Variants in LHFPL2 observed in about 807,000 individuals in gnomAD.
LHFPL2 encodes LHFPL tetraspan subfamily member 2.
A neutral mutation model predicts 17.5 loss-of-function variants in LHFPL2; 7 were observed. The observed-to-expected ratio is 0.40, with a 90% CI of 0.23 to 0.75. The LOEUF is 0.75. Ranked by LOEUF, LHFPL2 falls within the 30% of genes least tolerant of loss-of-function variation. The pLI is 0.37. For synonymous variants in LHFPL2, 134 were observed against 116.2 expected, an observed-to-expected ratio of 1.15 and a Z score of -0.99; for missense variants, 241 against 294.8, an observed-to-expected ratio of 0.82 and a Z score of 1.34.
intron 4 of LHFPL2, among the ~76,000 whole-genome samples, chr5:78,504,838 G>T (rs1754884571): frequency 1.3e-5 from 2 of 152,230 alleles, no homozygotes; most frequent in South Asian, 2.1e-4. Flanking sequence ...CAGCCCCAGG[G>T]CAATCTATCT....
chr5:78,619,499 ATTTAT>A (rs1401759069), intron 2 of LHFPL2, among the ~76,000 whole-genome samples: 19 of 148,708 alleles, frequency 1.3e-4, no homozygotes, highest in African/African-American at 3.2e-4. Flanking sequence ...ATATATATAT[ATTTAT>A]TTTATTATTA....
chr5:78,624,310 C>T (rs1027841670), intron 2 of LHFPL2, among the ~76,000 whole-genome samples: 1 of 152,154 alleles, frequency 6.6e-6, no homozygotes, highest in Non-Finnish European at 1.5e-5. Flanking sequence ...AAAGCAGGCA[C>T]CGGCAGAAGT....
At chr5:78,562,579 G>A (rs1393754206) in intron 3 of LHFPL2, among the ~76,000 whole-genome samples, 1 of 149,806 alleles carries the variant, frequency 6.7e-6, no homozygotes, top group Non-Finnish European at 1.5e-5. Flanking sequence ...AGGCTGCAGT[G>A]AGCCAAGATC....
At chr5:78,533,236 A>G (rs1212507770) in intron 3 of LHFPL2, among the ~76,000 whole-genome samples, 1 of 152,216 alleles carries the variant, frequency 6.6e-6, no homozygotes, top group Non-Finnish European at 1.5e-5. Context: ...ATAAAAGAGA[A>G]ACATCACTAT....
intron 3 of LHFPL2, among the ~76,000 whole-genome samples, chr5:78,560,230 C>A (rs891526284): frequency 6.6e-6 from 1 of 152,262 alleles, no homozygotes; most frequent in Non-Finnish European, 1.5e-5. Context: ...TCAGAATGCA[C>A]ATAAGTGCCA....
intron 2 of LHFPL2, among the ~76,000 whole-genome samples, chr5:78,631,057 A>T (rs1745226446): frequency 1.3e-5 from 2 of 152,222 alleles, no homozygotes; most frequent in Non-Finnish European, 2.9e-5. Flanking sequence ...ACTTACTAAG[A>T]AGAGTAAGGA....
At chr5:78,500,677 C>T (rs1754746734) in intron 4 of LHFPL2, among the ~76,000 whole-genome samples, 1 of 152,110 alleles carries the variant, frequency 6.6e-6, no homozygotes, top group South Asian at 2.1e-4. Context: ...AGTAATATAA[C>T]AAAGTAGGAG....
intron 2 of LHFPL2, among the ~76,000 whole-genome samples, chr5:78,627,607 A>G (rs1171475784): frequency 2.0e-5 from 3 of 152,204 alleles, no homozygotes; most frequent in African/African-American, 7.2e-5. Context: ...CCCTACAAGG[A>G]GACCTCGGGC....
At chr5:78,584,162 G>A (rs1471067949) in intron 2 of LHFPL2, among the ~76,000 whole-genome samples, 1 of 149,628 alleles carries the variant, frequency 6.7e-6, no homozygotes, top group Non-Finnish European at 1.5e-5. Context: ...CTCTGTATTG[G>A]TTATTCTAGT....
chr5:78,626,774 G>A lies in LHFPL2; in HGVS notation c.-245+5490C>T, dbSNP rs182613240. 2.0e-5 allele frequency: 3 copies of A among 151,874 alleles called. 1 individual carries two copies. Among genetic ancestry groups the A allele is most frequent in the Admixed American group, 2.0e-4 (3 of 15,258 alleles). 9.4% of individuals were successfully genotyped at this position (151,874 alleles called of 1,614,324 possible). On this transcript the variant is annotated intron_variant, in intron 2 of 4. Coordinates refer to ENST00000380345, the MANE Select transcript of LHFPL2 (RefSeq NM_005779.3). ...TCAAGAGAAGTTTTTTTTTTCTTCA[G>A]AGCTAAGTTGAAATACAGTAAGCAG...
Position 78,487,371 on chromosome 5 carries a change from C to G in LHFPL2, c.*1526G>C, listed in dbSNP as rs1376380404. 2 of 152,236 alleles carry G rather than the reference C, an allele frequency of 1.3e-5. No individual in the cohort carries two copies. Among genetic ancestry groups the G allele is most frequent in the Non-Finnish European group, 2.9e-5 (2 of 68,048 alleles). The allele number at this position is 152,236 out of a possible 1,614,324, so 9.4% of individuals were successfully genotyped here. ...AAACTCTGAAGTCAGGGTTGTATAG[C>G]TGGTAGCACAATACCTTGTCCACAG... On this transcript the variant is annotated 3_prime_UTR_variant, in exon 5 of 5. Coordinates refer to ENST00000380345, the MANE Select transcript of LHFPL2 (RefSeq NM_005779.3).
chr5:78,558,804 A>G (rs1756650564), intron 3 of LHFPL2, among the ~76,000 whole-genome samples: 1 of 152,168 alleles, frequency 6.6e-6, no homozygotes, highest in East Asian at 1.9e-4. Context: ...CCACCGAGGG[A>G]AAACATGCAT....
intron 2 of LHFPL2, among the ~76,000 whole-genome samples, chr5:78,593,215 A>T (rs1743706462): frequency 6.6e-6 from 1 of 152,182 alleles, no homozygotes; most frequent in African/African-American, 2.4e-5. Flanking sequence ...GAGCAGACAC[A>T]GTATCTGCAT....
intron 2 of LHFPL2, among the ~76,000 whole-genome samples, chr5:78,584,989 C>A (rs1351146743): frequency 9.8e-6 from 1 of 102,476 alleles, no homozygotes; most frequent in Non-Finnish European, 2.1e-5. Context: ...TCTCCTGGTG[C>A]GCTGTGTTTT....
intron 2 of LHFPL2, among the ~76,000 whole-genome samples, chr5:78,570,818 T>C (rs969294039): frequency 6.6e-6 from 1 of 151,890 alleles, no homozygotes; most frequent in Non-Finnish European, 1.5e-5. Flanking sequence ...GCAGCACACT[T>C]GGGGAATAGG....
intron 3 of LHFPL2, among the ~76,000 whole-genome samples, chr5:78,514,626 G>A (rs1276470978): frequency 1.3e-5 from 2 of 152,148 alleles, no homozygotes; most frequent in Non-Finnish European, 2.9e-5. Context: ...CCCAGTGCCC[G>A]CCGGCTGGAT....
At chr5:78,576,538 G>A (rs1757142163) in intron 2 of LHFPL2, among the ~76,000 whole-genome samples, 2 of 152,152 alleles carry the variant, frequency 1.3e-5, no homozygotes, top group Non-Finnish European at 2.9e-5. Flanking sequence ...AGTGGAGGGA[G>A]GGAAACTGGT....
At chr5:78,560,862 G>C (rs1420178552) in intron 3 of LHFPL2, among the ~76,000 whole-genome samples, 2 of 152,016 alleles carry the variant, frequency 1.3e-5, no homozygotes, top group Non-Finnish European at 2.9e-5. Flanking sequence ...TGATAAATTA[G>C]AAACTATCCA....
Position 78,488,920 on chromosome 5 carries a change from T to TC in LHFPL2, c.663dup (p.Lys222GlufsTer19). 1 of 1,614,182 alleles carries TC rather than the reference T, an allele frequency of 6.2e-7. No homozygotes were observed. The highest frequency in any genetic ancestry group is 8.5e-7 in the Non-Finnish European group (1 of 1,180,002). The stretch of plus-strand genomic sequence containing the variant: ...AACTAAAGGAGGCAGATCAGATTTT[T>TC]CCCCTCTTCAATTTCTTCCTGTACT... On this transcript the variant is annotated frameshift_variant, in exon 5 of 5. Coordinates refer to ENST00000380345, the MANE Select transcript of LHFPL2 (RefSeq NM_005779.3). LOFTEE classifies it high-confidence loss of function.
Sources: gnomAD v4.1 joint callset for allele counts (sites outside exome capture counted in the v4.1 genomes callset) on GRCh38, gnomAD v4.1.1 for gene constraint, MANE v1.5 for transcripts, NCBI Gene and HGNC (gene_info 2026-07-23, HGNC 2026-07-21) for gene names.